The following MFAP5 variants were observed in gnomAD, a reference collection of about 807,000 sequenced individuals.
MFAP5 encodes the protein microfibril associated protein 5, also known as microfibrillar-associated protein 5.
A neutral mutation model predicts 30.1 loss-of-function variants in MFAP5; 19 were observed. That is an observed-to-expected ratio of 0.63 (90% CI 0.44 to 0.93). The LOEUF (loss-of-function observed/expected upper bound fraction) is 0.93, where lower values mean the gene tolerates loss of function less well. MFAP5 is among the 40% of genes least tolerant of loss of function. The pLI is 0.00. For missense variants in MFAP5, 210 were observed against 221.3 expected (o/e 0.95, Z 0.32); for synonymous variants, 92 against 72.9 (o/e 1.26, Z -1.33).
In MFAP5 at chr12:8,654,268, A is replaced by G. The variant is rs376930288; in HGVS notation, c.217+169T>C. 102 of 592,236 alleles carry G rather than the reference A, an allele frequency of 1.7e-4. No homozygotes were observed. The East Asian group carries it at 2.8e-3, about 16-fold the overall frequency. 36.7% of individuals were successfully genotyped at this position (592,236 alleles called of 1,614,324 possible). On this transcript the variant is annotated intron_variant, in intron 6 of 9. Transcript: ENST00000359478. ...AAGATTAGCACAGTTCCTGTTTGTC[A>G]GGTGTTCAACAATGTCATTAATTTG...
chr12:8,653,213 AAG>A (rs1247076946), intron 6 of MFAP5, among the ~76,000 whole-genome samples: 1 of 151,782 alleles, frequency 6.6e-6, no homozygotes, highest in Admixed American at 6.6e-5. Context: ...AAAAAGAAAA[AAG>A]AAAAAGAAAA....
At chr12:8,656,591 TACACACACACACACAC>T (rs1268100031) in intron 3 of MFAP5, among the ~76,000 whole-genome samples, 2 of 130,866 alleles carry the variant, frequency 1.5e-5, no homozygotes, top group African/African-American at 6.3e-5. Context: ...TATATATATA[TACACACACACACACAC>T]ACATATATAT....
intron 9 of MFAP5, chr12:8,648,487 C>G: frequency 1.6e-6 from 2 of 1,286,762 alleles, no homozygotes; most frequent in Non-Finnish European, 2.0e-6. Flanking sequence ...TGCAAAGTAC[C>G]TAGCACAGGT....
In MFAP5 at chr12:8,646,607, A is replaced by G. The variant is rs1941686929; in HGVS notation, c.*1484T>C. Reference sequence around the variant, plus strand: ...ATCCAGAGAATCATAGAATTAAAGGAAATCTTAGAACTAAGAATATATATA... The same window carrying G: ...ATCCAGAGAATCATAGAATTAAAGGGAATCTTAGAACTAAGAATATATATA... On this transcript the variant is annotated 3_prime_UTR_variant, in exon 10 of 10. Coordinates refer to ENST00000359478, the MANE Select transcript of MFAP5 (RefSeq NM_003480.4). 1.3e-5 allele frequency: 2 copies of G among 151,852 alleles called. No homozygotes were observed. Among genetic ancestry groups the G allele is most frequent in the Admixed American group, 1.3e-4 (2 of 15,244 alleles). The allele number at this position is 151,852 out of a possible 1,614,324, so 9.4% of individuals were successfully genotyped here. A position where few individuals can be genotyped will look rare whatever the true frequency, so the allele number is the denominator to read the frequency against.
chr12:8,657,382 G>A (rs764431876), intron 3 of MFAP5, among the ~76,000 whole-genome samples: 3 of 151,796 alleles, frequency 2.0e-5, no homozygotes, highest in Non-Finnish European at 2.9e-5. Flanking sequence ...TCGCGCCATT[G>A]CACTCCAGCC....
In MFAP5 at chr12:8,655,859, G is replaced by A. The variant is rs147238554; in HGVS notation, c.95-29C>T. The A allele has an allele frequency of 9.2e-4, 1,433 of 1,564,190 alleles. 9 individuals are homozygous for A. The African/African-American group carries it at 0.018, about 19-fold the overall frequency. On this transcript the variant is annotated intron_variant, in intron 3 of 9. Transcript: ENST00000359478. ...AAAAGAAAATTAGAAAACAATTTCT[G>A]AGATTCTCTGTCTCCCTGCCACCCT...
chr12:8,655,434 A>T lies in MFAP5; in HGVS notation c.153T>A (p.Asp51Glu). ...TFTEDPNLVN[D>E]PATDETVLAV... Reference sequence around the variant, plus strand: ...ATTTACCTGTTTCATCTGTAGCGGGATCATTCACCAGATCTGCAAAGACAC... The same window carrying T: ...ATTTACCTGTTTCATCTGTAGCGGGTTCATTCACCAGATCTGCAAAGACAC... The change falls in exon 5 of 10, where the codon GAT becomes GAA. Residue 51 changes from aspartate to glutamate, a missense_variant. Transcript: ENST00000359478. The T allele has an allele frequency of 1.2e-6, 2 of 1,607,468 alleles. No homozygotes were observed. The highest frequency in any genetic ancestry group is 1.7e-6 in the Non-Finnish European group (2 of 1,177,650).
Position 8,651,710 on chromosome 12 carries a change from A to G in MFAP5, c.218-19T>C. ...AGGGAGGCTGAAAGGCAGAAATTTT[A>G]TTCCACTGTTACCAATTCTAGAAGT... is the stretch of plus-strand genomic sequence containing the variant. On this transcript the variant is annotated intron_variant, in intron 6 of 9. Transcript: ENST00000359478. The G allele has an allele frequency of 5.6e-6, 9 of 1,611,352 alleles. No individual in the cohort carries two copies. The highest frequency in any genetic ancestry group is 7.6e-6 in the Non-Finnish European group (9 of 1,177,542).
intron 6 of MFAP5, 109 bp from the exon 7 acceptor site, chr12:8,651,800 G>A (rs981306937): frequency 3.3e-5 from 31 of 947,566 alleles, no homozygotes; most frequent in Non-Finnish European, 5.3e-5. Context: ...TAAATAGGGA[G>A]CAAATGAATT....
chr12:8,658,934 G>A (rs1477091692), intron 3 of MFAP5, among the ~76,000 whole-genome samples: 3 of 150,654 alleles, frequency 2.0e-5, no homozygotes, highest in Non-Finnish European at 2.9e-5. Flanking sequence ...GGGCTCAAGC[G>A]ATCCTTTCAC....
In MFAP5 at chr12:8,647,257, G is replaced by C. The variant is rs1941705270; in HGVS notation, c.*834C>G. The C allele has an allele frequency of 6.6e-6, 1 of 152,180 alleles. No homozygotes were observed. The highest frequency in any genetic ancestry group is 6.5e-5 in the Admixed American group (1 of 15,280). 9.4% of individuals were successfully genotyped at this position (152,180 alleles called of 1,614,324 possible). On this transcript the variant is annotated 3_prime_UTR_variant, in exon 10 of 10. Coordinates refer to ENST00000359478, the MANE Select transcript of MFAP5 (RefSeq NM_003480.4). ...CAACTCAAGGAAACGTCAACCAATG[G>C]TATGATTTCACATTAAGTTGTCTAA...
rs1241754429 is a variant in MFAP5 at position 8,646,642 on chromosome 12, TA to T, written c.*1448del. The T allele has an allele frequency of 2.6e-5, 4 of 151,500 alleles. No homozygotes were observed. The highest frequency in any genetic ancestry group is 5.9e-5 in the Non-Finnish European group (4 of 67,914). The allele number at this position is 151,500 out of a possible 1,614,324, so 9.4% of individuals were successfully genotyped here. On this transcript the variant is annotated 3_prime_UTR_variant, in exon 10 of 10. Coordinates refer to ENST00000359478, the MANE Select transcript of MFAP5 (RefSeq NM_003480.4). ...ACTAAGAATATATATAATATATATA[TA>T]TATTTCTTAAGATGGACTTTTGCTT...
chr12:8,654,027 G>A (rs1230083233), intron 6 of MFAP5, among the ~76,000 whole-genome samples: 1 of 151,330 alleles, frequency 6.6e-6, no homozygotes, highest in Non-Finnish European at 1.5e-5. Context: ...TTGGGAGGCT[G>A]AGAAAGGAAA....
chr12:8,649,912 G>A (rs137991799), intron 8 of MFAP5, among the ~76,000 whole-genome samples: 1 of 152,136 alleles, frequency 6.6e-6, no homozygotes, highest in East Asian at 1.9e-4. Context: ...CCAATGTGTA[G>A]CCTTTATCCC....
intron 8 of MFAP5, among the ~76,000 whole-genome samples, chr12:8,650,106 TG>T (rs1436300548): frequency 2.6e-5 from 4 of 152,128 alleles, no homozygotes; most frequent in African/African-American, 9.6e-5. Flanking sequence ...CAAAGGCCAT[TG>T]TTTTAGTTAT....
At chr12:8,659,257 G>A (rs1038858621) in intron 3 of MFAP5, among the ~76,000 whole-genome samples, 3 of 151,300 alleles carry the variant, frequency 2.0e-5, no homozygotes, top group Non-Finnish European at 4.4e-5. Context: ...GCAGTGAGCC[G>A]AGATCGCGCA....
intron 2 of MFAP5, 151 bp from the exon 3 acceptor site, chr12:8,661,049 C>T: frequency 3.6e-6 from 2 of 557,056 alleles, no homozygotes; most frequent in Admixed American, 3.3e-5. Flanking sequence ...TTACTGAGAC[C>T]ATTAGTGCTA....
At chr12:8,660,768 C>A in intron 3 of MFAP5, 95 bp downstream of exon 3, 4 of 853,286 alleles carry the variant, frequency 4.7e-6, no homozygotes, top group South Asian at 2.3e-5. Context: ...TTTTTTTTGG[C>A]AGCGATAGAT....
chr12:8,652,058 C>T (rs1201222218), intron 6 of MFAP5, among the ~76,000 whole-genome samples: 1 of 152,158 alleles, frequency 6.6e-6, no homozygotes, highest in Non-Finnish European at 1.5e-5. Context: ...AGATTATTAT[C>T]CTGTACAAGC....
Sources: gnomAD v4.1 joint callset for allele counts (sites outside exome capture counted in the v4.1 genomes callset) on GRCh38, gnomAD v4.1.1 for gene constraint, MANE v1.5 for transcripts, NCBI Gene and HGNC (gene_info 2026-07-23, HGNC 2026-07-21) for gene names.